The following CDH18 variants were observed in gnomAD, a reference collection of about 807,000 sequenced individuals.
The protein encoded by CDH18 is cadherin 18.
Under a neutral mutation model 67.9 loss-of-function variants are expected in CDH18, and 31 were observed. The ratio of observed to expected loss-of-function variants is 0.46; its 90% CI spans 0.34 to 0.62. The LOEUF (loss-of-function observed/expected upper bound fraction) is 0.62. Ranked by LOEUF, CDH18 falls within the 20% of genes least tolerant of loss-of-function variation. CDH18 has a pLI of 0.01. For synonymous variants in CDH18, 362 were observed against 347.2 expected (o/e 1.04, Z -0.48); for missense variants, 890 against 975.5 (o/e 0.91, Z 1.17).
intron 5 of CDH18, among the ~76,000 whole-genome samples, chr5:19,622,632 G>A (rs1217880909): frequency 2.0e-5 from 3 of 152,128 alleles, no homozygotes; most frequent in African/African-American, 7.2e-5. Context: ...TAGCCTGTGA[G>A]CTTTCTGGTA....
At chr5:20,426,527 T>A (rs1333093394) in intron 1 of CDH18, among the ~76,000 whole-genome samples, 2 of 151,214 alleles carry the variant, frequency 1.3e-5, no homozygotes, top group Admixed American at 1.3e-4. Flanking sequence ...AGCTTTCCAC[T>A]TTTTAATCCA....
chr5:19,840,281 A>T (rs1224222387), intron 2 of CDH18, among the ~76,000 whole-genome samples: 3 of 50,414 alleles, frequency 6.0e-5, no homozygotes, highest in African/African-American at 1.5e-4. Flanking sequence ...TCTCAAAAAA[A>T]AAAAAAGAAA....
intron 7 of CDH18, among the ~76,000 whole-genome samples, chr5:19,582,312 C>T (rs771779944): frequency 6.6e-6 from 1 of 151,964 alleles, no homozygotes; most frequent in African/African-American, 2.4e-5. Context: ...TAGCTTAATT[C>T]ATCAAGATGT....
intron 1 of CDH18, among the ~76,000 whole-genome samples, chr5:20,388,549 T>C (rs1215605505): frequency 6.6e-6 from 1 of 152,150 alleles, no homozygotes; most frequent in Non-Finnish European, 1.5e-5. Flanking sequence ...TTTGAAGGGT[T>C]TTTTGTGTCT....
chr5:19,761,872 T>C (rs1176444541), intron 3 of CDH18, among the ~76,000 whole-genome samples: 1 of 152,200 alleles, frequency 6.6e-6, no homozygotes, highest in African/African-American at 2.4e-5. Flanking sequence ...CAAAACAGCA[T>C]GGTACTGGTA....
intron 2 of CDH18, among the ~76,000 whole-genome samples, chr5:19,907,186 G>T (rs1292702292): frequency 6.6e-6 from 1 of 151,850 alleles, no homozygotes; most frequent in Non-Finnish European, 1.5e-5. Flanking sequence ...AAAATTCATG[G>T]TTATGTGTGT....
chr5:20,056,459 TCTTTATTTTC>T (rs1741949239), intron 2 of CDH18, among the ~76,000 whole-genome samples: 1 of 145,608 alleles, frequency 6.9e-6, no homozygotes, highest in African/African-American at 2.5e-5. Flanking sequence ...TTATTATTTT[TCTTTATTTTC>T]TTTCTTTTGT....
chr5:20,090,131 TA>T (rs2150558209), intron 2 of CDH18, among the ~76,000 whole-genome samples: 1 of 152,296 alleles, frequency 6.6e-6, no homozygotes, highest in African/African-American at 2.4e-5. Flanking sequence ...GGATCTGTGA[TA>T]AAAATACACA....
chr5:20,068,710 A>T (rs182569358), intron 2 of CDH18, among the ~76,000 whole-genome samples: 1 of 152,288 alleles, frequency 6.6e-6, no homozygotes, highest in African/African-American at 2.4e-5. Flanking sequence ...TTGGTGAAAT[A>T]TCTGTGACTT....
chr5:19,507,198 C>G (rs1744341439), intron 10 of CDH18, among the ~76,000 whole-genome samples: 1 of 152,184 alleles, frequency 6.6e-6, no homozygotes, highest in Non-Finnish European at 1.5e-5. Flanking sequence ...ATCAAAACCA[C>G]AATGAGATAC....
At chr5:19,950,039 G>T (rs997488330) in intron 2 of CDH18, among the ~76,000 whole-genome samples, 7 of 150,182 alleles carry the variant, frequency 4.7e-5, no homozygotes, top group Non-Finnish European at 8.9e-5. Context: ...ATATCACATT[G>T]AATAAATATG....
intron 1 of CDH18, among the ~76,000 whole-genome samples, chr5:20,298,071 G>GA (rs1030877234): frequency 6.6e-6 from 1 of 151,884 alleles, no homozygotes; most frequent in African/African-American, 2.4e-5. Flanking sequence ...TAGAAAAATA[G>GA]AAAAAAGGGA....
At chr5:20,374,757 CAAT>C (rs777666052) in intron 1 of CDH18, among the ~76,000 whole-genome samples, 39 of 151,996 alleles carry the variant, frequency 2.6e-4, no homozygotes, top group African/African-American at 9.4e-4. Context: ...ATAATTCCAA[CAAT>C]AATGACAATA....
At chr5:19,761,940 C>T (rs1772415326) in intron 3 of CDH18, among the ~76,000 whole-genome samples, 1 of 152,234 alleles carries the variant, frequency 6.6e-6, no homozygotes, top group East Asian at 1.9e-4. Context: ...TCATACCACA[C>T]ATCTACAACC....
chr5:19,891,176 T>G (rs1048275453), intron 2 of CDH18, among the ~76,000 whole-genome samples: 7 of 152,196 alleles, frequency 4.6e-5, no homozygotes, highest in Non-Finnish European at 8.8e-5. Flanking sequence ...AATATGCCTT[T>G]ATCTGTGGAT....
intron 4 of CDH18, among the ~76,000 whole-genome samples, chr5:19,725,642 G>A (rs561053524): frequency 1.3e-5 from 2 of 152,214 alleles, no homozygotes; most frequent in East Asian, 3.9e-4. Flanking sequence ...GGTGGTGCAT[G>A]CCTGTAATCC....
At chr5:19,485,876 A>G (rs1020993598) in intron 11 of CDH18, among the ~76,000 whole-genome samples, 3 of 152,212 alleles carry the variant, frequency 2.0e-5, no homozygotes, top group African/African-American at 7.2e-5. Context: ...CATGCAGTGT[A>G]GATGGCGGCT....
chr5:19,489,250 CTTT>C (rs1237810466), intron 11 of CDH18, among the ~76,000 whole-genome samples: 3 of 128,116 alleles, frequency 2.3e-5, no homozygotes, highest in Admixed American at 8.1e-5. Context: ...TTTTTTTTTT[CTTT>C]TTTTTTTTTT....
chr5:20,446,387 C>T (rs1324312403), intron 1 of CDH18, among the ~76,000 whole-genome samples: 4 of 152,048 alleles, frequency 2.6e-5, no homozygotes, highest in Non-Finnish European at 4.4e-5. Flanking sequence ...TAGTGTCAAT[C>T]TAACTACCTA....
Sources: allele counts gnomAD v4.1 joint callset (sites outside exome capture counted in the v4.1 genomes callset), GRCh38; gene constraint gnomAD v4.1.1; transcripts MANE v1.5; gene names NCBI Gene and HGNC (gene_info 2026-07-23, HGNC 2026-07-21).